Variants in THSD7A observed in about 807,000 individuals in gnomAD.
THSD7A encodes thrombospondin type 1 domain containing 7A.
THSD7A carries 96 observed loss-of-function variants against 231.3 expected under a neutral mutation model. That is an observed-to-expected ratio of 0.41 (90% CI 0.35 to 0.49). The LOEUF (loss-of-function observed/expected upper bound fraction) is 0.49, where lower values mean the gene tolerates loss of function less well. Among genes scored for constraint, THSD7A ranks in the 20% least tolerant of loss-of-function variants. The pLI is 0.05. For missense variants in THSD7A, 2,290 were observed against 2,070.2 expected (o/e 1.11, Z -2.06); for synonymous variants, 940 against 743.3 (o/e 1.26, Z -4.30).
At chr7:11,554,653 T>A (rs999954425) in intron 4 of THSD7A, among the ~76,000 whole-genome samples, 23 of 152,008 alleles carry the variant, frequency 1.5e-4, no homozygotes, top group Admixed American at 2.6e-4. Flanking sequence ...GGTCTTATAT[T>A]TTAATTATTT....
At chr7:11,455,174 T>C (rs1392368081) in intron 11 of THSD7A, among the ~76,000 whole-genome samples, 6 of 152,052 alleles carry the variant, frequency 3.9e-5, no homozygotes. Context: ...AGTGAGAAGA[T>C]GACTGTCTGC....
chr7:11,397,089 T>G (rs1783216369), intron 23 of THSD7A, among the ~76,000 whole-genome samples: 1 of 152,206 alleles, frequency 6.6e-6, no homozygotes, highest in Admixed American at 6.5e-5. Flanking sequence ...CACCCCTTCA[T>G]GCTAAAAACT....
At chr7:11,403,295 G>A (rs1562582296) in intron 22 of THSD7A, among the ~76,000 whole-genome samples, 1 of 152,204 alleles carries the variant, frequency 6.6e-6, no homozygotes, top group South Asian at 2.1e-4. Flanking sequence ...AGAAGTCCTG[G>A]TAAGACATGA....
intron 1 of THSD7A, among the ~76,000 whole-genome samples, chr7:11,678,855 A>G (rs1033233525): frequency 2.6e-5 from 4 of 152,350 alleles, no homozygotes; most frequent in African/African-American, 9.6e-5. Context: ...TTATGAGGCC[A>G]GCATCATCCT....
intron 2 of THSD7A, among the ~76,000 whole-genome samples, chr7:11,595,549 G>A (rs959848902): frequency 4.6e-5 from 7 of 152,154 alleles, no homozygotes; most frequent in African/African-American, 1.7e-4. Flanking sequence ...ATCTCCCCTG[G>A]TTTAATGTAG....
At chr7:11,772,776 A>G (rs1783276368) in intron 1 of THSD7A, among the ~76,000 whole-genome samples, 1 of 152,188 alleles carries the variant, frequency 6.6e-6, no homozygotes, top group African/African-American at 2.4e-5. Context: ...GCTCACTACC[A>G]GGGTGATGAA....
intron 4 of THSD7A, among the ~76,000 whole-genome samples, chr7:11,558,165 C>G (rs1789928309): frequency 6.6e-6 from 1 of 152,096 alleles, no homozygotes; most frequent in Non-Finnish European, 1.5e-5. Flanking sequence ...AACTAATCAC[C>G]TTGTCATTTT....
At chr7:11,438,986 ATAAT>A (rs1416851099) in intron 13 of THSD7A, among the ~76,000 whole-genome samples, 2 of 152,122 alleles carry the variant, frequency 1.3e-5, no homozygotes, top group Non-Finnish European at 2.9e-5. Context: ...TGCAATTTTA[ATAAT>A]TTTTTTCTTC....
chr7:11,630,298 C>G (rs907494267), intron 2 of THSD7A, among the ~76,000 whole-genome samples: 8 of 151,940 alleles, frequency 5.3e-5, no homozygotes, highest in Admixed American at 2.6e-4. Flanking sequence ...AGAGGGGATG[C>G]CAGAAAGTCT....
At chr7:11,703,584 A>G (rs866712908) in intron 1 of THSD7A, among the ~76,000 whole-genome samples, 1 of 151,236 alleles carries the variant, frequency 6.6e-6, no homozygotes, top group Non-Finnish European at 1.5e-5. Context: ...CTACTGCTAT[A>G]CAGTAGTGTA....
intron 16 of THSD7A, among the ~76,000 whole-genome samples, chr7:11,420,911 G>C (rs1283725806): frequency 6.6e-6 from 1 of 152,152 alleles, no homozygotes; most frequent in Non-Finnish European, 1.5e-5. Flanking sequence ...GAACTGCTGG[G>C]TTTTGGACTT....
At chr7:11,802,924 G>C (rs1340873648) in intron 1 of THSD7A, among the ~76,000 whole-genome samples, 1 of 152,086 alleles carries the variant, frequency 6.6e-6, no homozygotes, top group Non-Finnish European at 1.5e-5. Flanking sequence ...AGAGATCTTA[G>C]ACTCTTGGAA....
chr7:11,678,468 A>C (rs1167537828), intron 1 of THSD7A, among the ~76,000 whole-genome samples: 2 of 152,172 alleles, frequency 1.3e-5, no homozygotes, highest in African/African-American at 4.8e-5. Flanking sequence ...ATAAAGAAGA[A>C]AAGAGAGAAG....
intron 4 of THSD7A, among the ~76,000 whole-genome samples, chr7:11,548,443 G>A (rs898084055): frequency 1.3e-5 from 2 of 151,978 alleles, no homozygotes; most frequent in Admixed American, 6.6e-5. Context: ...ATAAAGAAGA[G>A]CTAGTACTGA....
At chr7:11,781,664 T>C (rs1783636722) in intron 1 of THSD7A, among the ~76,000 whole-genome samples, 3 of 152,200 alleles carry the variant, frequency 2.0e-5, no homozygotes, top group South Asian at 2.1e-4. Flanking sequence ...CACATATCTT[T>C]CTTGCTTGTA....
At chr7:11,710,919 T>C (rs916680717) in intron 1 of THSD7A, among the ~76,000 whole-genome samples, 6 of 150,840 alleles carry the variant, frequency 4.0e-5, no homozygotes, top group African/African-American at 1.5e-4. Context: ...TTTGATAAAA[T>C]AATATATACA....
At chr7:11,539,685 T>A (rs7799086) in intron 6 of THSD7A, among the ~76,000 whole-genome samples, 9,869 of 152,248 alleles carry the variant, frequency 0.065, 1,100 homozygotes, top group African/African-American at 0.22. Flanking sequence ...TGATATTTTT[T>A]AAATAGCTGG....
chr7:11,434,618 T>C (rs1354358231), intron 13 of THSD7A, among the ~76,000 whole-genome samples: 2 of 152,118 alleles, frequency 1.3e-5, no homozygotes, highest in African/African-American at 4.8e-5. Flanking sequence ...TGGCATTCTC[T>C]CTGAAACATC....
chr7:11,462,273 G>T (rs1000795384), intron 9 of THSD7A, 130 bp from the exon 10 acceptor site: 2 of 903,858 alleles, frequency 2.2e-6, no homozygotes, highest in Middle Eastern at 3.4e-4. Flanking sequence ...GCTTCACCTG[G>T]TCTAAACATT....
Sources: gnomAD v4.1 joint callset for allele counts (sites outside exome capture counted in the v4.1 genomes callset) on GRCh38, gnomAD v4.1.1 for gene constraint, MANE v1.5 for transcripts, NCBI Gene and HGNC (gene_info 2026-07-23, HGNC 2026-07-21) for gene names.